Variants in EFNA5 observed in about 807,000 individuals in gnomAD.
The protein encoded by EFNA5 is ephrin-A5.
In EFNA5, 5 loss-of-function variants were observed where a neutral mutation model predicts 22.9. The ratio of observed to expected loss-of-function variants is 0.22; its 90% CI spans 0.11 to 0.46. The LOEUF (loss-of-function observed/expected upper bound fraction) is 0.46. EFNA5 is among the 20% of genes least tolerant of loss of function. The pLI, the probability that EFNA5 is intolerant of heterozygous loss-of-function variation, is 0.99. For missense variants in EFNA5, 237 were observed against 293.3 expected (o/e 0.81, Z 1.40); for synonymous variants, 113 against 112.2 (o/e 1.01, Z -0.04).
At chr5:107,396,848 A>G (rs1747939980) in intron 2 of EFNA5, among the ~76,000 whole-genome samples, 1 of 152,056 alleles carries the variant, frequency 6.6e-6, no homozygotes, top group Non-Finnish European at 1.5e-5. Context: ...AATCCATGTT[A>G]AGAGTGTGAG....
intron 1 of EFNA5, among the ~76,000 whole-genome samples, chr5:107,596,675 T>A (rs528048329): frequency 1.3e-5 from 2 of 152,256 alleles, no homozygotes; most frequent in East Asian, 3.9e-4. Context: ...ATATACAAGT[T>A]ATTTAACCTA....
chr5:107,434,185 TA>T (rs1438126943), intron 1 of EFNA5, among the ~76,000 whole-genome samples: 2 of 152,246 alleles, frequency 1.3e-5, no homozygotes, highest in African/African-American at 2.4e-5. Context: ...TTGAATAGTC[TA>T]GGTCCTTTAC....
intron 1 of EFNA5, among the ~76,000 whole-genome samples, chr5:107,503,285 G>A (rs762125577): frequency 6.6e-6 from 1 of 152,176 alleles, no homozygotes; most frequent in Non-Finnish European, 1.5e-5. Flanking sequence ...ACTACCTGAT[G>A]TTTTGAATAT....
intron 1 of EFNA5, among the ~76,000 whole-genome samples, chr5:107,655,867 T>C (rs1263989801): frequency 5.3e-5 from 8 of 152,308 alleles, no homozygotes; most frequent in Admixed American, 2.0e-4. Flanking sequence ...CATGTTGTTA[T>C]GATCTATTTA....
intron 2 of EFNA5, among the ~76,000 whole-genome samples, chr5:107,420,521 T>TA (rs1561378422): frequency 1.9e-4 from 16 of 83,196 alleles, no homozygotes; most frequent in South Asian, 6.4e-4. Context: ...GTCTGTGCTT[T>TA]TAAAAAAAAA....
intron 1 of EFNA5, among the ~76,000 whole-genome samples, chr5:107,653,392 GCTGTGGGCC>G (rs1315144954): frequency 6.6e-6 from 1 of 152,092 alleles, no homozygotes; most frequent in Admixed American, 6.6e-5. Context: ...TATGAGTTCG[GCTGTGGGCC>G]CTGTTAATTT....
rs202114413 is a variant in EFNA5, at chr5:107,670,561, A to C, written c.53T>G (p.Val18Gly). 6.2e-7 allele frequency: 1 copy of C among 1,600,266 alleles called. No homozygotes were observed. Among genetic ancestry groups the C allele is most frequent in the East Asian group, 2.3e-5 (1 of 43,688 alleles). Residue 18 changes from valine (V) to glycine (G), a missense_variant, in exon 1 of 5, where the codon GTG (valine) becomes GGG (glycine). By Grantham distance (109) the Val-to-Gly change is moderately radical. Coordinates refer to ENST00000333274, the MANE Select transcript of EFNA5 (RefSeq NM_001962.3). The stretch of plus-strand genomic sequence containing the variant: ...CTTGGAGCCCGGGTCCTGGCTGAAC[A>C]CACACATCCAGAGCACCAGAAACAC... ...TLVFLVLWMCVFSQDPGSKAV... is the reference protein window; with the variant it reads ...TLVFLVLWMCGFSQDPGSKAV...
At chr5:107,627,562 G>C (rs1750167126) in intron 1 of EFNA5, among the ~76,000 whole-genome samples, 1 of 150,138 alleles carries the variant, frequency 6.7e-6, no homozygotes, top group Non-Finnish European at 1.5e-5. Context: ...CTTGAGCCCA[G>C]GAGTTCGAGG....
rs563283932 is a variant in EFNA5 at position 107,557,720 on chromosome 5, C to A, written c.125+112769G>T. ...CTCAATAACTAAAATTATAAGTGACCTTTTTCAGAGTTCCTTTAGAGACAA... is the reference window on the plus strand; with the variant it reads ...CTCAATAACTAAAATTATAAGTGACATTTTTCAGAGTTCCTTTAGAGACAA... On this transcript the variant is annotated intron_variant, in intron 1 of 4. Coordinates refer to ENST00000333274, the MANE Select transcript of EFNA5 (RefSeq NM_001962.3). 1.8e-4 allele frequency among the ~76,000 whole-genome samples: 27 copies of A among 152,190 alleles called. 1 individual carries two copies. The South Asian group carries it at 4.4e-3, about 25-fold the overall frequency.
intron 1 of EFNA5, among the ~76,000 whole-genome samples, chr5:107,495,851 C>T (rs1441009650): frequency 1.3e-5 from 2 of 152,060 alleles, no homozygotes; most frequent in Non-Finnish European, 2.9e-5. Flanking sequence ...GTTCAGTTTG[C>T]CTGGAAGTGG....
At chr5:107,553,111 G>GA (rs752740761) in intron 1 of EFNA5, among the ~76,000 whole-genome samples, 29 of 152,250 alleles carry the variant, frequency 1.9e-4, no homozygotes, top group Non-Finnish European at 3.7e-4. Flanking sequence ...CACCAAGAAA[G>GA]AAAGAGTGAC....
chr5:107,518,591 A>AG (rs199835136), intron 1 of EFNA5, among the ~76,000 whole-genome samples: 2 of 151,706 alleles, frequency 1.3e-5, no homozygotes, highest in Non-Finnish European at 2.9e-5. Context: ...CAAAAAAAAA[A>AG]ATACCTAAAA....
At chr5:107,556,523 A>G (rs943582677) in intron 1 of EFNA5, among the ~76,000 whole-genome samples, 1 of 152,084 alleles carries the variant, frequency 6.6e-6, no homozygotes, top group Non-Finnish European at 1.5e-5. Context: ...AGGCGGGTGG[A>G]TCACTTGAGG....
intron 1 of EFNA5, among the ~76,000 whole-genome samples, chr5:107,551,906 TA>T (rs36004705): frequency 2.7e-4 from 40 of 150,114 alleles, no homozygotes; most frequent in Admixed American, 1.5e-3. Flanking sequence ...TGTAAGCTTT[TA>T]AAAAAAAAAG....
intron 1 of EFNA5, among the ~76,000 whole-genome samples, chr5:107,587,014 A>T (rs9328008): frequency 0.028 from 4,218 of 152,312 alleles, 182 homozygotes; most frequent in African/African-American, 0.087. Flanking sequence ...AGATCCATGA[A>T]TCACTGCACA....
chr5:107,442,333 T>C (rs1339614297), intron 1 of EFNA5, among the ~76,000 whole-genome samples: 2 of 152,204 alleles, frequency 1.3e-5, no homozygotes, highest in African/African-American at 4.8e-5. Flanking sequence ...TAGTTTCTTT[T>C]TTTGAAAATC....
intron 1 of EFNA5, among the ~76,000 whole-genome samples, chr5:107,551,086 T>C (rs1748283647): frequency 6.6e-6 from 1 of 152,210 alleles, no homozygotes; most frequent in Admixed American, 6.5e-5. Context: ...TATAGTATAA[T>C]TATGCGTCCT....
chr5:107,408,670 T>G (rs1748283988), intron 2 of EFNA5, among the ~76,000 whole-genome samples: 1 of 152,224 alleles, frequency 6.6e-6, no homozygotes, highest in Admixed American at 6.5e-5. Context: ...CTTGTCATTC[T>G]CTTTATATTG....
chr5:107,470,079 G>A (rs993915970), intron 1 of EFNA5, among the ~76,000 whole-genome samples: 1 of 152,188 alleles, frequency 6.6e-6, no homozygotes, highest in East Asian at 1.9e-4. Context: ...CCAGGAGAAT[G>A]AGATTCTCAG....
Sources: gnomAD v4.1 joint callset for allele counts (sites outside exome capture counted in the v4.1 genomes callset) on GRCh38, gnomAD v4.1.1 for gene constraint, MANE v1.5 for transcripts, NCBI Gene and HGNC (gene_info 2026-07-23, HGNC 2026-07-21) for gene names.